Variants in C1orf159 observed in about 807,000 individuals in gnomAD.
C1orf159 encodes uncharacterized protein C1orf159.
In C1orf159, 19 loss-of-function variants were observed where a neutral mutation model predicts 25.6. The observed-to-expected ratio is 0.74, with a 90% CI of 0.52 to 1.09. The LOEUF is 1.09. Among genes scored for constraint, C1orf159 ranks in the 50% least tolerant of loss-of-function variants. The pLI is 0.00. For synonymous variants in C1orf159, 139 were observed against 124.7 expected (o/e 1.12, Z -0.77); for missense variants, 274 against 290.6 (o/e 0.94, Z 0.42).
At chr1:1,115,336 AAAAC>A (rs1323478698) in intron 1 of C1orf159, among the ~76,000 whole-genome samples, 29 of 152,272 alleles carry the variant, frequency 1.9e-4, no homozygotes, top group Middle Eastern at 3.4e-3. Context: ...CAAACGGACA[AAAAC>A]AAATCCTAAA....
At chr1:1,098,755 C>G (rs1646046143) in intron 1 of C1orf159, among the ~76,000 whole-genome samples, 1 of 152,060 alleles carries the variant, frequency 6.6e-6, no homozygotes, top group Non-Finnish European at 1.5e-5. Flanking sequence ...GGGATTACAG[C>G]TGCCCGCCAC....
At chr1:1,097,515 C>T (rs746453214) in intron 1 of C1orf159, among the ~76,000 whole-genome samples, 10 of 151,982 alleles carry the variant, frequency 6.6e-5, no homozygotes, top group Non-Finnish European at 1.2e-4. Context: ...TGGGCTCAAG[C>T]GATCCTCCCA....
intron 1 of C1orf159, among the ~76,000 whole-genome samples, chr1:1,101,480 A>C (rs11579922): frequency 0.24 from 36,227 of 151,796 alleles, 5,810 homozygotes; most frequent in African/African-American, 0.46. Flanking sequence ...AAGACTGTAT[A>C]AAAAAAAATT....
At chr1:1,096,965 C>T (rs1646016564) in intron 1 of C1orf159, among the ~76,000 whole-genome samples, 1 of 152,230 alleles carries the variant, frequency 6.6e-6, no homozygotes, top group Admixed American at 6.5e-5. Context: ...TCTTGAACTC[C>T]TGGGCTCAAA....
At chr1:1,103,783 T>C (rs1452576314) in intron 1 of C1orf159, among the ~76,000 whole-genome samples, 1 of 152,172 alleles carries the variant, frequency 6.6e-6, no homozygotes, top group Non-Finnish European at 1.5e-5. Flanking sequence ...CAGGCAGAAA[T>C]GCAGTGGCAG....
intron 3 of C1orf159, 85 bp downstream of exon 3, chr1:1,091,387 G>T: frequency 8.0e-7 from 1 of 1,251,176 alleles, no homozygotes; most frequent in South Asian, 1.3e-5. Flanking sequence ...AAAGGTGGAA[G>T]GGTTAGACCC....
chr1:1,101,840 G>A (rs929316829), intron 1 of C1orf159, among the ~76,000 whole-genome samples: 7 of 152,048 alleles, frequency 4.6e-5, no homozygotes, highest in Non-Finnish European at 1.0e-4. Flanking sequence ...AGGAAGCTGA[G>A]GCAGGCAGAT....
chr1:1,087,571 C>A lies in C1orf159; in HGVS notation c.175G>T (p.Gly59Trp). The A allele has an allele frequency of 6.5e-7, 1 of 1,548,354 alleles. No homozygotes were observed. The highest frequency in any genetic ancestry group is 8.7e-7 in the Non-Finnish European group (1 of 1,146,548). The change falls in exon 5 of 10, where the codon GGG becomes TGG. Residue 59 changes from glycine (G) to tryptophan (W), a missense_variant. Transcript: ENST00000421241. The surrounding 1 kb of genome is among the most constrained non-coding windows in gnomAD (Gnocchi z 8.3). Reference protein sequence around the residue: ...PGCYRRWNADGSASCVRCGNG... With the variant: ...PGCYRRWNADWSASCVRCGNG... ...CCACAGCGGACGCAGCTGGCGCTCC[C>A]GTCCGCGTTCCAGCGCCTGTAACAG...
At chr1:1,104,428 A>G (rs1646143023) in intron 1 of C1orf159, among the ~76,000 whole-genome samples, 1 of 151,852 alleles carries the variant, frequency 6.6e-6, no homozygotes, top group Admixed American at 6.6e-5. Context: ...AAAATCTGCC[A>G]CTCTCCAGAG....
chr1:1,090,640 G>A (rs1645914465), intron 3 of C1orf159: 11 of 687,938 alleles, frequency 1.6e-5, no homozygotes, highest in South Asian at 1.6e-4. Flanking sequence ...GTGGGACCCT[G>A]GGTGGGCGGT....
At chr1:1,107,740 T>G (rs996530351) in intron 1 of C1orf159, among the ~76,000 whole-genome samples, 6 of 152,140 alleles carry the variant, frequency 3.9e-5, no homozygotes, top group Non-Finnish European at 8.8e-5. Context: ...AGCAACCCAC[T>G]CGGGTCCCCT....
At chr1:1,084,442 G>A (rs369909122) in intron 8 of C1orf159, 39 bp downstream of exon 8, 2 of 1,575,706 alleles carry the variant, frequency 1.3e-6, no homozygotes, top group African/African-American at 2.7e-5. Context: ...AGGCACACGC[G>A]GCCAGGGACG....
chr1:1,093,203 C>G (rs984291252), intron 1 of C1orf159, among the ~76,000 whole-genome samples: 1 of 152,144 alleles, frequency 6.6e-6, no homozygotes, highest in Non-Finnish European at 1.5e-5. Context: ...CAGCAGAGAC[C>G]GTCTTCCCCT....
rs1419591577 is a variant in C1orf159, at chr1:1,092,036, C to G, written c.-68G>C. The G allele has an allele frequency of 2.2e-6, 1 of 456,260 alleles. No homozygotes were observed. The highest frequency in any genetic ancestry group is 4.4e-6 in the Non-Finnish European group (1 of 227,000). The allele number at this position is 456,260 out of a possible 1,614,324, so 28.3% of individuals were successfully genotyped here. ...CTACCGACATCAGCCCTTTGCCCGCCTGGGTGTTCAGGGGTTAGCTCTGGG... is the reference window on the plus strand; with the variant it reads ...CTACCGACATCAGCCCTTTGCCCGCGTGGGTGTTCAGGGGTTAGCTCTGGG... On this transcript the variant is annotated 5_prime_UTR_variant, in exon 2 of 10. Transcript: ENST00000421241.
chr1:1,095,313 A>G (rs1243557182), intron 1 of C1orf159, among the ~76,000 whole-genome samples: 1 of 152,254 alleles, frequency 6.6e-6, no homozygotes, highest in Non-Finnish European at 1.5e-5. Context: ...CATCACGGAC[A>G]TGCTGTCTCT....
intron 9 of C1orf159, chr1:1,083,819 G>A (rs1158572211): frequency 2.6e-6 from 3 of 1,168,292 alleles, no homozygotes; most frequent in East Asian, 5.1e-5. Flanking sequence ...GGGGGACGGA[G>A]GCCGGGTGAG....
At chr1:1,094,645 C>T (rs1382399037) in intron 1 of C1orf159, among the ~76,000 whole-genome samples, 1 of 152,202 alleles carries the variant, frequency 6.6e-6, no homozygotes, top group East Asian at 1.9e-4. Flanking sequence ...TGTGATCCGC[C>T]TGCCTTGGCC....
chr1:1,100,114 A>G (rs1646079476), intron 1 of C1orf159, among the ~76,000 whole-genome samples: 1 of 152,138 alleles, frequency 6.6e-6, no homozygotes, highest in African/African-American at 2.4e-5. Flanking sequence ...ACAAATACAT[A>G]GACGGACAGA....
At chr1:1,108,044 C>T (rs1303621415) in intron 1 of C1orf159, among the ~76,000 whole-genome samples, 1 of 152,222 alleles carries the variant, frequency 6.6e-6, no homozygotes, top group East Asian at 1.9e-4. Context: ...ATTCTAGACA[C>T]ATTAGCAGCA....
Sources: gnomAD v4.1 joint callset for allele counts (sites outside exome capture counted in the v4.1 genomes callset) on GRCh38, gnomAD v4.1.1 for gene constraint, Gnocchi (gnomAD v3.1) non-coding constraint, MANE v1.5 for transcripts, NCBI Gene and HGNC (gene_info 2026-07-23, HGNC 2026-07-21) for gene names.